Variants in ANKRD27 observed in about 807,000 individuals in gnomAD.
ANKRD27 encodes the protein ankyrin repeat domain-containing protein 27.
A neutral mutation model predicts 129.7 loss-of-function variants in ANKRD27; 112 were observed. The ratio of observed to expected loss-of-function variants is 0.86; its 90% CI spans 0.74 to 1.01. The LOEUF is 1.01. Among genes scored for constraint, ANKRD27 ranks in the 50% least tolerant of loss-of-function variants. The probability of loss-of-function intolerance (pLI) is 0.00; values close to 1 mark genes in which losing one functional copy is unlikely to be tolerated. For synonymous variants in ANKRD27, 516 were observed against 511.2 expected (o/e 1.01, Z -0.13); for missense variants, 1,258 against 1,300.5 (o/e 0.97, Z 0.50).
intron 23 of ANKRD27, among the ~76,000 whole-genome samples, chr19:32,606,612 T>TTCACCCGATGTGCTGGGTGACAGTGATC (rs1555739629): frequency 6.6e-6 from 1 of 152,218 alleles, no homozygotes; most frequent in Non-Finnish European, 1.5e-5. Flanking sequence ...GTGATCTCAC[T>TTCACCCGATGTGCTGGGTGACAGTGATC]TCACCTTTCT....
chr19:32,612,793 A>G (rs1309574073), intron 22 of ANKRD27, among the ~76,000 whole-genome samples: 5 of 152,226 alleles, frequency 3.3e-5, no homozygotes, highest in African/African-American at 1.2e-4. Flanking sequence ...ACTTTGAGTA[A>G]AAATTAACAC....
chr19:32,663,822 C>T (rs1349727467), intron 1 of ANKRD27, among the ~76,000 whole-genome samples: 9 of 151,640 alleles, frequency 5.9e-5, no homozygotes, highest in East Asian at 1.9e-4. Flanking sequence ...TTTGGGAGGC[C>T]GAGGCGGGCG....
Position 32,658,932 on chromosome 19 carries a change from C to T in ANKRD27, c.84G>A (p.Val28=). ...QKCRPDLCSK[V]AQIHGIVLVP... is the part of the protein sequence containing the mutation. ...CACTTACAATGCCATGGATTTGGGC[C>T]ACTTTGCTGCACAAGTCAGGGCGGC... Residue 28 remains valine (V), a synonymous_variant, in exon 2 of 29, where the codon GTG becomes GTA. Coordinates refer to ENST00000306065, the MANE Select transcript of ANKRD27 (RefSeq NM_032139.3). 1 of 1,614,032 alleles carries T rather than the reference C, an allele frequency of 6.2e-7. No individual in the cohort carries two copies. The highest frequency in any genetic ancestry group is 8.5e-7 in the Non-Finnish European group (1 of 1,179,998).
intron 17 of ANKRD27, 129 bp downstream of exon 17, chr19:32,625,745 T>C (rs536846039): frequency 2.4e-5 from 19 of 779,768 alleles, no homozygotes; most frequent in Non-Finnish European, 1.1e-5. Flanking sequence ...CATTCTTTCA[T>C]ATTAAAAAAA....
Position 32,625,911 on chromosome 19 carries a change from G to A in ANKRD27, c.1592C>T (p.Thr531Met), listed in dbSNP as rs144483185. The A allele has an allele frequency of 5.2e-5, 84 of 1,611,460 alleles. No homozygotes were observed. Among genetic ancestry groups the A allele is most frequent in the East Asian group, 2.2e-4 (10 of 44,724 alleles). ...SAEVQDNNGN[T>M]PLHLACTYGH... ...GTAGGTGCAGGCCAGGTGGAGTGGCGTATTCCCATTGTTGTCCTGCACTTC... is the reference window on the plus strand; with the variant it reads ...GTAGGTGCAGGCCAGGTGGAGTGGCATATTCCCATTGTTGTCCTGCACTTC... Residue 531 changes from threonine (T) to methionine (M), a missense_variant, in exon 17 of 29, where the codon ACG becomes ATG. Transcript: ENST00000306065.
chr19:32,666,990 T>G (rs548239072), intron 1 of ANKRD27, among the ~76,000 whole-genome samples: 1 of 152,276 alleles, frequency 6.6e-6, no homozygotes, highest in South Asian at 2.1e-4. Context: ...TCTCTGAGCC[T>G]CCATCTGGGC....
chr19:32,615,637 C>A (rs1971904621), intron 22 of ANKRD27, 21 bp downstream of exon 22: 2 of 1,614,098 alleles, frequency 1.2e-6, no homozygotes, highest in Non-Finnish European at 1.7e-6. Context: ...CTGACCTCCA[C>A]CAACAGAAAC....
chr19:32,662,191 T>A (rs1034717263), intron 1 of ANKRD27, among the ~76,000 whole-genome samples: 3 of 151,226 alleles, frequency 2.0e-5, no homozygotes, highest in Non-Finnish European at 2.9e-5. Context: ...ATGTGCCTGT[T>A]ATCCCAGCTG....
chr19:32,668,013 C>T lies in ANKRD27; in HGVS notation c.-31+7058G>A, dbSNP rs1967793652. Among the ~76,000 whole-genome samples, 3 of 152,142 alleles carry T rather than the reference C, an allele frequency of 2.0e-5. No individual in the cohort carries two copies. In the South Asian group the frequency reaches 6.2e-4, roughly 32 times the overall value. Reference sequence around the variant, plus strand: ...CACTATGTAACAGGGATCCAGAATGCTTCCTTGGGAAAACACTATGCATAC... The same window carrying T: ...CACTATGTAACAGGGATCCAGAATGTTTCCTTGGGAAAACACTATGCATAC... On this transcript the variant is annotated intron_variant, in intron 1 of 28. Coordinates refer to ENST00000306065, the MANE Select transcript of ANKRD27 (RefSeq NM_032139.3).
At chr19:32,651,242 G>A (rs973329957) in intron 2 of ANKRD27, among the ~76,000 whole-genome samples, 5 of 152,112 alleles carry the variant, frequency 3.3e-5, no homozygotes, top group Admixed American at 6.6e-5. Context: ...GATCTAAAGA[G>A]CCAGTCCTCG....
At chr19:32,621,971 GA>G (rs1048942519) in intron 18 of ANKRD27, among the ~76,000 whole-genome samples, 36 of 152,106 alleles carry the variant, frequency 2.4e-4, no homozygotes, top group African/African-American at 8.0e-4. Context: ...ATTACTACCA[GA>G]AAAAGGTGAG....
At chr19:32,603,248 AGAT>A (rs1971679170) in intron 25 of ANKRD27, among the ~76,000 whole-genome samples, 1 of 152,170 alleles carries the variant, frequency 6.6e-6, no homozygotes, top group Non-Finnish European at 1.5e-5. Flanking sequence ...CAGTGAGCCA[AGAT>A]CACGCCACAA....
Position 32,643,615 on chromosome 19 carries a change from A to G in ANKRD27, c.542T>C (p.Leu181Pro). ...AAGCTGCTGGAGGCATTTGGTGTAG[A>G]GAGCATTCGCTGAGTCCTAAACCAC... ...LRHHIDSANA[L>P]YTKCLQQLLR... The change falls in exon 6 of 29, where the codon CTC (leucine) becomes CCC (proline). Residue 181 changes from leucine (L) to proline (P), a missense_variant. Physicochemically the swap from Leu to Pro is moderately conservative, Grantham distance 98 (BLOSUM62 -3). Coordinates refer to ENST00000306065, the MANE Select transcript of ANKRD27 (RefSeq NM_032139.3). 1 of 1,614,086 alleles carries G rather than the reference A, an allele frequency of 6.2e-7. No homozygotes were observed. Among genetic ancestry groups the G allele is most frequent in the Non-Finnish European group, 8.5e-7 (1 of 1,180,034 alleles).
At chr19:32,624,733 G>A (rs114165668) in intron 17 of ANKRD27, among the ~76,000 whole-genome samples, 10 of 151,576 alleles carry the variant, frequency 6.6e-5, no homozygotes, top group Admixed American at 2.6e-4. Context: ...TTGAGTTCAG[G>A]AATGTAAGAC....
At chr19:32,669,176 A>C (rs1056599560) in intron 1 of ANKRD27, among the ~76,000 whole-genome samples, 11 of 152,102 alleles carry the variant, frequency 7.2e-5, no homozygotes, top group African/African-American at 2.7e-4. Context: ...AGGCCCCTCA[A>C]CTAATTCCCC....
intron 22 of ANKRD27, among the ~76,000 whole-genome samples, chr19:32,615,237 T>C (rs1454143503): frequency 6.6e-6 from 1 of 152,202 alleles, no homozygotes; most frequent in African/African-American, 2.4e-5. Context: ...TTCACAGACA[T>C]GCAGTACAGT....
intron 24 of ANKRD27, among the ~76,000 whole-genome samples, chr19:32,605,596 A>G (rs1971719942): frequency 6.6e-6 from 1 of 152,194 alleles, no homozygotes; most frequent in Admixed American, 6.5e-5. Context: ...GGTGAGACCC[A>G]AACCCTTGGC....
rs1440356996 is a variant in ANKRD27 at position 32,656,794 on chromosome 19, A to AG, written c.102+2119_102+2120insC. Among the ~76,000 whole-genome samples the AG allele has an allele frequency of 1.3e-3, 199 of 151,830 alleles. 1 individual carries two copies. Among genetic ancestry groups the AG allele is most frequent in the South Asian group, 5.2e-3 (25 of 4,776 alleles). Reference sequence around the variant, plus strand: ...GACAAAGCAAGACCTTATCTCAAAAAAAAAAAAAAAGAGTGATGTGTGTTT... The same window carrying AG: ...GACAAAGCAAGACCTTATCTCAAAAAGAAAAAAAAAAGAGTGATGTGTGTTT... On this transcript the variant is annotated intron_variant, in intron 2 of 28. Transcript: ENST00000306065.
chr19:32,628,688 C>G, intron 14 of ANKRD27, 34 bp downstream of exon 14: 1 of 1,612,540 alleles, frequency 6.2e-7, no homozygotes, highest in Non-Finnish European at 8.5e-7. Context: ...CTCCTGCTTC[C>G]TGGCACTCTG....
Sources: allele counts gnomAD v4.1 joint callset (sites outside exome capture counted in the v4.1 genomes callset), GRCh38; gene constraint gnomAD v4.1.1; transcripts MANE v1.5; gene names NCBI Gene and HGNC (gene_info 2026-07-23, HGNC 2026-07-21).